The following HIGD2B variants were observed in gnomAD, a reference collection of about 807,000 sequenced individuals.
HIGD2B encodes the protein HIG1 domain family member 2B.
For synonymous variants in HIGD2B, 45 were observed against 28.1 expected (o/e 1.60, Z -1.90); for missense variants, 106 against 67.0 (o/e 1.58, Z -2.03).
At position 72,675,992 on chromosome 15, in the gene HIGD2B, T is replaced by A; in HGVS notation, c.*62A>T. On this transcript the variant is annotated 3_prime_UTR_variant, in exon 3 of 3. Coordinates refer to ENST00000311755, the MANE Select transcript of HIGD2B (RefSeq NM_001350932.3). ...GGAGAGGAGAGAGTAAGTCCCATGG[T>A]AGGGCCAGTGGTTGCTCCTGGGTTT... is the stretch of plus-strand genomic sequence containing the variant. 1 of 664,028 alleles carries A rather than the reference T, an allele frequency of 1.5e-6. No individual in the cohort carries two copies. The highest frequency in any genetic ancestry group is 1.7e-5 in the South Asian group (1 of 60,302). 41.1% of individuals were successfully genotyped at this position (664,028 alleles called of 1,614,324 possible).
chr15:72,682,829 C>T, intron 1 of HIGD2B: 1 of 254,434 alleles, frequency 3.9e-6, no homozygotes, highest in Non-Finnish European at 8.2e-6. Flanking sequence ...CTTTGTAATC[C>T]ATTCCCCACT....
Position 72,683,635 on chromosome 15 carries a change from G to C in HIGD2B, c.-193+2183C>G, listed in dbSNP as rs556816603. ...TTGGCTGGATTGCTTGAGCTCAGGA[G>C]CTTGAGACCAGCCTAGGTAACATGA... On this transcript the variant is annotated intron_variant, in intron 1 of 2. Transcript: ENST00000311755. 2.0e-5 allele frequency among the ~76,000 whole-genome samples: 3 copies of C among 152,130 alleles called. No individual in the cohort carries two copies. In the East Asian group the frequency reaches 5.8e-4, roughly 30 times the overall value.
chr15:72,677,874 A>G (rs1439445112), intron 2 of HIGD2B, among the ~76,000 whole-genome samples: 1 of 152,200 alleles, frequency 6.6e-6, no homozygotes, highest in Non-Finnish European at 1.5e-5. Context: ...GGAGAAAAGA[A>G]TACTTTTCCT....
At position 72,675,887 on chromosome 15, in the gene HIGD2B, C is replaced by A. The variant is rs2064682408; in HGVS notation, c.*167G>T. 1.7e-6 allele frequency: 1 copy of A among 577,742 alleles called. No homozygotes were observed. The highest frequency in any genetic ancestry group is 2.2e-5 in the South Asian group (1 of 44,776). 35.8% of individuals were successfully genotyped at this position (577,742 alleles called of 1,614,324 possible). ...ATATGTAACATTCAAACAACAGAAT[C>A]TGGGATTTTTGAAAAAATCTTTCAG... On this transcript the variant is annotated 3_prime_UTR_variant, in exon 3 of 3. Coordinates refer to ENST00000311755, the MANE Select transcript of HIGD2B (RefSeq NM_001350932.3).
At chr15:72,678,202 T>C (rs1236887053) in intron 2 of HIGD2B, among the ~76,000 whole-genome samples, 1 of 152,182 alleles carries the variant, frequency 6.6e-6, no homozygotes, top group Non-Finnish European at 1.5e-5. Flanking sequence ...AAAACTGAAG[T>C]GCTGAGAAAG....
At chr15:72,676,425 G>A (rs1237908549) in intron 2 of HIGD2B, 38 bp from the exon 3 acceptor site, 3 of 642,614 alleles carry the variant, frequency 4.7e-6, no homozygotes, top group Admixed American at 2.5e-5. Context: ...TTTTTTTTGA[G>A]AAGGAGTCTT....
chr15:72,676,413 T>G (rs748710547), intron 2 of HIGD2B, 26 bp from the exon 3 acceptor site: 3 of 672,578 alleles, frequency 4.5e-6, no homozygotes, highest in Non-Finnish European at 8.0e-6. Context: ...CTTTGTTTTT[T>G]TTTTTTTTTG....
At chr15:72,682,791 A>G in intron 1 of HIGD2B, 2 of 235,524 alleles carry the variant, frequency 8.5e-6, no homozygotes, top group South Asian at 1.5e-4. Context: ...TTACATGTTC[A>G]TATAGCCATC....
chr15:72,681,281 G>T (rs1251556482), intron 1 of HIGD2B, among the ~76,000 whole-genome samples: 3 of 152,084 alleles, frequency 2.0e-5, no homozygotes, highest in Non-Finnish European at 2.9e-5. Flanking sequence ...TAAATAAGAG[G>T]CTCCTTTTCC....
rs1254664808 is a variant in HIGD2B at position 72,680,172 on chromosome 15, A to T, written c.-171T>A. Reference sequence around the variant, plus strand: ...ACCCAGCTGGTGGAGTCTACAGCCTATTTCAGGTTTGACCTCAGTAGCTAG... The same window carrying T: ...ACCCAGCTGGTGGAGTCTACAGCCTTTTTCAGGTTTGACCTCAGTAGCTAG... On this transcript the variant is annotated 5_prime_UTR_variant, in exon 2 of 3. Transcript: ENST00000311755. 3 of 175,608 alleles carry T rather than the reference A, an allele frequency of 1.7e-5. No homozygotes were observed. Among genetic ancestry groups the T allele is most frequent in the African/African-American group, 7.2e-5 (3 of 41,928 alleles). The allele number at this position is 175,608 out of a possible 1,614,324, so 10.9% of individuals were successfully genotyped here.
intron 1 of HIGD2B, chr15:72,682,703 GATAAA>G (rs777151129): frequency 1.3e-4 from 21 of 156,908 alleles, no homozygotes; most frequent in Admixed American, 2.6e-4. Context: ...CTAAAAATAA[GATAAA>G]ATAAAATAAA....
intron 1 of HIGD2B, among the ~76,000 whole-genome samples, chr15:72,683,579 C>T (rs1156624197): frequency 4.0e-5 from 6 of 151,876 alleles, no homozygotes; most frequent in Non-Finnish European, 5.9e-5. Context: ...GGGTGGCTCA[C>T]GCCTGTAATT....
intron 2 of HIGD2B, among the ~76,000 whole-genome samples, chr15:72,678,904 G>T (rs1400032480): frequency 1.3e-5 from 2 of 152,032 alleles, no homozygotes; most frequent in African/African-American, 4.8e-5. Context: ...GTCTGAGGTA[G>T]GAGGATCGTT....
chr15:72,686,017 C>T lies in HIGD2B; in HGVS notation c.-392G>A, dbSNP rs2064822694. The T allele has an allele frequency of 3.1e-6, 2 of 642,474 alleles. No individual in the cohort carries two copies. Among genetic ancestry groups the T allele is most frequent in the South Asian group, 1.8e-5 (1 of 55,470 alleles). 39.8% of individuals were successfully genotyped at this position (642,474 alleles called of 1,614,324 possible). A position where few individuals can be genotyped will look rare whatever the true frequency, so the allele number is the denominator to read the frequency against. On this transcript the variant is annotated 5_prime_UTR_variant, in exon 1 of 3. Transcript: ENST00000311755. The stretch of plus-strand genomic sequence containing the variant: ...TGTTAGGGGCTTCTCGGGATAAAGG[C>T]AGCGAGTGGCTGCGCATTCCCTCCC...
chr15:72,680,834 C>A (rs184392012), intron 1 of HIGD2B, among the ~76,000 whole-genome samples: 1 of 152,124 alleles, frequency 6.6e-6, no homozygotes, highest in East Asian at 1.9e-4. Context: ...GTGGAGGTTG[C>A]AGTGAGATCG....
At chr15:72,683,438 CTT>C (rs11329719) in intron 1 of HIGD2B, among the ~76,000 whole-genome samples, 1,656 of 124,994 alleles carry the variant, frequency 0.013, 12 homozygotes, top group Non-Finnish European at 0.018. Context: ...TCAATTCCTC[CTT>C]TTTTTTTTTT....
At chr15:72,682,651 G>C (rs990723846) in intron 1 of HIGD2B, 2 of 153,214 alleles carry the variant, frequency 1.3e-5, no homozygotes, top group African/African-American at 4.8e-5. Context: ...AGCTGAGATC[G>C]CACCACTGCA....
At chr15:72,680,647 G>T (rs2064739414) in intron 1 of HIGD2B, among the ~76,000 whole-genome samples, 1 of 152,228 alleles carries the variant, frequency 6.6e-6, no homozygotes, top group Admixed American at 6.5e-5. Flanking sequence ...AGCACTTTGG[G>T]AGGCTGAGGT....
Position 72,676,224 on chromosome 15 carries a change from T to C in HIGD2B, c.151A>G (p.Ile51Val), listed in dbSNP as rs566967851. 2.0e-5 allele frequency: 15 copies of C among 766,792 alleles called. No individual in the cohort carries two copies. In the African/African-American group the frequency reaches 2.2e-4, roughly 11 times the overall value. 47.5% of individuals were successfully genotyped at this position (766,792 alleles called of 1,614,324 possible). Residue 51 changes from isoleucine (I) to valine (V), a missense_variant, in exon 3 of 3, where the codon ATA becomes GTA. By Grantham distance (29) the Ile-to-Val change is conservative. Coordinates refer to ENST00000311755, the MANE Select transcript of HIGD2B (RefSeq NM_001350932.3). The part of the protein sequence containing the change: ...RKTRENPVVP[I>V]GFLCTAAVLT... ...ACGGCCGCCGTGCACAGGAAACCTA[T>C]GGGTACCACCGGATTCTCGCGGGTC...
Sources: allele counts gnomAD v4.1 joint callset (sites outside exome capture counted in the v4.1 genomes callset), GRCh38; gene constraint gnomAD v4.1.1; transcripts MANE v1.5; gene names NCBI Gene and HGNC (gene_info 2026-07-23, HGNC 2026-07-21).